The following FHIT variants were observed in gnomAD, a reference collection of about 807,000 sequenced individuals.
The protein encoded by FHIT is bis(5'-adenosyl)-triphosphatase.
FHIT carries 19 observed loss-of-function variants against 17.9 expected under a neutral mutation model. The observed-to-expected ratio is 1.06, with a 90% CI of 0.74 to 1.56. The LOEUF is 1.56. Among genes scored for constraint, FHIT ranks in the 40% most tolerant of loss-of-function variants. FHIT has a pLI of 0.00. For synonymous variants in FHIT, 81 were observed against 69.7 expected (o/e 1.16, Z -0.81); for missense variants, 248 against 189.2 (o/e 1.31, Z -1.82).
intron 4 of FHIT, among the ~76,000 whole-genome samples, chr3:60,784,611 C>T (rs972201330): frequency 6.6e-6 from 1 of 152,218 alleles, no homozygotes; most frequent in Non-Finnish European, 1.5e-5. Flanking sequence ...TCTGGGATTA[C>T]AGGCATGAGC....
chr3:60,165,001 G>C (rs942005905), intron 5 of FHIT, among the ~76,000 whole-genome samples: 1 of 152,224 alleles, frequency 6.6e-6, no homozygotes, highest in Non-Finnish European at 1.5e-5. Flanking sequence ...GTTTTATTCA[G>C]ATTGAATTTA....
At chr3:61,041,906 C>G (rs1007203384) in intron 3 of FHIT, 141 bp downstream of exon 3, 4 of 152,188 alleles carry the variant, frequency 2.6e-5, no homozygotes, top group African/African-American at 9.7e-5. Flanking sequence ...AATGTGAGAA[C>G]TGAAGGCTGT....
intron 2 of FHIT, among the ~76,000 whole-genome samples, chr3:61,138,717 C>G (rs915979600): frequency 6.6e-6 from 1 of 152,146 alleles, no homozygotes; most frequent in African/African-American, 2.4e-5. Flanking sequence ...TGGGGCCAAC[C>G]CTCATCAGAT....
At chr3:60,500,771 T>TAATAAAAA (rs2034492728) in intron 5 of FHIT, among the ~76,000 whole-genome samples, 1 of 64,864 alleles carries the variant, frequency 1.5e-5, no homozygotes, top group Non-Finnish European at 2.8e-5. Context: ...AGCATCCATC[T>TAATAAAAA]AAAAAAAAAA....
intron 5 of FHIT, among the ~76,000 whole-genome samples, chr3:60,289,206 C>A (rs943727774): frequency 1.3e-5 from 2 of 152,214 alleles, no homozygotes; most frequent in East Asian, 3.9e-4. Context: ...ATTAAATTTC[C>A]TACTGTACAC....
chr3:61,208,714 G>C (rs542138779), intron 1 of FHIT, among the ~76,000 whole-genome samples: 3 of 151,936 alleles, frequency 2.0e-5, no homozygotes, highest in South Asian at 2.1e-4. Context: ...GTGTGTCTCT[G>C]TACATGACAT....
At chr3:59,935,017 T>G (rs572462371) in intron 7 of FHIT, among the ~76,000 whole-genome samples, 1 of 152,152 alleles carries the variant, frequency 6.6e-6, no homozygotes, top group African/African-American at 2.4e-5. Flanking sequence ...ACTCCAGATG[T>G]AGGGCTCTCA....
chr3:60,522,201 C>A (rs371228250), intron 5 of FHIT, among the ~76,000 whole-genome samples: 22 of 151,864 alleles, frequency 1.4e-4, no homozygotes, highest in African/African-American at 4.8e-4. Flanking sequence ...CTTCTGCCCC[C>A]CTGAGTTCAA....
At chr3:60,344,118 G>A (rs183997510) in intron 5 of FHIT, among the ~76,000 whole-genome samples, 5 of 152,146 alleles carry the variant, frequency 3.3e-5, no homozygotes, top group Non-Finnish European at 5.9e-5. Context: ...CATATCTCTA[G>A]AATAATTCCT....
chr3:59,759,627 C>T (rs951375373), intron 8 of FHIT, among the ~76,000 whole-genome samples: 11 of 152,154 alleles, frequency 7.2e-5, no homozygotes, highest in Non-Finnish European at 1.2e-4. Flanking sequence ...TCAAAGTTCC[C>T]GAGAAGCCTT....
chr3:60,246,212 ATTC>A (rs1705387321), intron 5 of FHIT, among the ~76,000 whole-genome samples: 1 of 152,126 alleles, frequency 6.6e-6, no homozygotes, highest in Non-Finnish European at 1.5e-5. Flanking sequence ...AAATAAATGA[ATTC>A]TTTTTAGAAC....
At chr3:60,778,487 C>T (rs1418158385) in intron 4 of FHIT, among the ~76,000 whole-genome samples, 4 of 152,208 alleles carry the variant, frequency 2.6e-5, no homozygotes, top group Non-Finnish European at 4.4e-5. Flanking sequence ...ATGGACTGAA[C>T]TCAGGAAGCT....
intron 3 of FHIT, among the ~76,000 whole-genome samples, chr3:60,869,113 T>G (rs1704287665): frequency 6.6e-6 from 1 of 152,090 alleles, no homozygotes; most frequent in Admixed American, 6.6e-5. Flanking sequence ...TTTGGAAAAT[T>G]TAATGAAGAT....
intron 3 of FHIT, among the ~76,000 whole-genome samples, chr3:60,939,231 G>A (rs574846593): frequency 1.2e-4 from 18 of 152,164 alleles, no homozygotes; most frequent in East Asian, 7.7e-4. Context: ...TCTCTTGCAC[G>A]CACTTGTTTA....
intron 8 of FHIT, among the ~76,000 whole-genome samples, chr3:59,900,302 T>C (rs1240403200): frequency 6.6e-6 from 1 of 152,212 alleles, no homozygotes; most frequent in Non-Finnish European, 1.5e-5. Flanking sequence ...CCAGCAGTTG[T>C]GCAGGCCTGT....
chr3:60,795,577 C>T (rs541841641), intron 4 of FHIT, among the ~76,000 whole-genome samples: 16 of 151,444 alleles, frequency 1.1e-4, no homozygotes, highest in Non-Finnish European at 2.1e-4. Flanking sequence ...TGCAGTGGCA[C>T]GATCAGGGCT....
intron 5 of FHIT, among the ~76,000 whole-genome samples, chr3:60,159,262 A>C (rs12633251): frequency 0.34 from 50,964 of 151,866 alleles, 9,548 homozygotes; most frequent in Non-Finnish European, 0.42. Context: ...CTGAGACTAC[A>C]GGTGCCTGCC....
intron 5 of FHIT, among the ~76,000 whole-genome samples, chr3:60,523,724 A>G (rs544588106): frequency 6.6e-6 from 1 of 152,342 alleles, no homozygotes; most frequent in East Asian, 1.9e-4. Context: ...CAGCTGAGGA[A>G]ATAACTGATT....
intron 2 of FHIT, among the ~76,000 whole-genome samples, chr3:61,126,440 C>T (rs551386865): frequency 1.3e-5 from 2 of 152,032 alleles, no homozygotes; most frequent in South Asian, 2.1e-4. Context: ...ACAGTCATGG[C>T]GGAAGGGGAA....
Sources: allele counts gnomAD v4.1 joint callset (sites outside exome capture counted in the v4.1 genomes callset), GRCh38; gene constraint gnomAD v4.1.1; transcripts MANE v1.5; gene names NCBI Gene and HGNC (gene_info 2026-07-23, HGNC 2026-07-21).